GALNT13: variants seen among roughly 807,000 people sequenced by gnomAD.
GALNT13 encodes the protein UDP-GalNAc:polypeptide N-acetylgalactosaminyltransferase 13.
In GALNT13, 28 loss-of-function variants were observed where a neutral mutation model predicts 64.2. The ratio of observed to expected loss-of-function variants is 0.44; its 90% CI spans 0.32 to 0.60. The LOEUF (loss-of-function observed/expected upper bound fraction) is 0.60. GALNT13 is among the 20% of genes least tolerant of loss of function. GALNT13 has a pLI of 0.05. For synonymous variants in GALNT13, 214 were observed against 224.6 expected, an observed-to-expected ratio of 0.95 and a Z score of 0.42; for missense variants, 577 against 669.8, an observed-to-expected ratio of 0.86 and a Z score of 1.53.
chr2:154,282,687 C>A (rs1692027942), intron 8 of GALNT13, among the ~76,000 whole-genome samples: 1 of 151,840 alleles, frequency 6.6e-6, no homozygotes, highest in Non-Finnish European at 1.5e-5. Context: ...TTTTTATTTT[C>A]CATGCAAAAT....
At chr2:153,866,218 G>A in the GALNT13 span, among the ~76,000 whole-genome samples, 1 of 131,250 alleles carries the variant, frequency 7.6e-6, no homozygotes, top group Admixed American at 7.9e-5. Flanking sequence ...GCTAGATGAC[G>A]AGTTAGTGGG....
the GALNT13 span, among the ~76,000 whole-genome samples, chr2:153,561,064 T>A: frequency 6.6e-6 from 1 of 152,078 alleles, no homozygotes; most frequent in Admixed American, 6.6e-5. Flanking sequence ...TATTTTATTG[T>A]AAATAAAACC....
At chr2:154,428,434 C>A (rs772812092) in intron 11 of GALNT13, among the ~76,000 whole-genome samples, 1 of 152,078 alleles carries the variant, frequency 6.6e-6, no homozygotes, top group African/African-American at 2.4e-5. Context: ...GAAATCAAAA[C>A]CTATATGATA....
intron 8 of GALNT13, among the ~76,000 whole-genome samples, chr2:154,275,431 G>T (rs1691588550): frequency 1.3e-5 from 2 of 152,168 alleles, no homozygotes; most frequent in South Asian, 4.1e-4. Flanking sequence ...TCTAGCTATG[G>T]GTAAAAGGCA....
chr2:153,804,644 T>A, the GALNT13 span, among the ~76,000 whole-genome samples: 1 of 152,074 alleles, frequency 6.6e-6, no homozygotes, highest in African/African-American at 2.4e-5. Context: ...GTTTAACTAT[T>A]TTTTTTCTTT....
the GALNT13 span, among the ~76,000 whole-genome samples, chr2:153,617,852 A>G: frequency 6.6e-6 from 1 of 151,916 alleles, no homozygotes; most frequent in African/African-American, 2.4e-5. Context: ...ATAGTTGCTC[A>G]TAGTAGCTAG....
chr2:154,372,877 C>T (rs990954925), intron 9 of GALNT13, among the ~76,000 whole-genome samples: 4 of 151,920 alleles, frequency 2.6e-5, no homozygotes, highest in Non-Finnish European at 5.9e-5. Flanking sequence ...ATTGTATAAA[C>T]TCCATTTACT....
At chr2:153,996,607 T>G (rs918511185) in intron 3 of GALNT13, among the ~76,000 whole-genome samples, 8 of 152,198 alleles carry the variant, frequency 5.3e-5, no homozygotes, top group Non-Finnish European at 1.0e-4. Flanking sequence ...TTGCAAATAT[T>G]GTCTCTCATT....
the GALNT13 span, among the ~76,000 whole-genome samples, chr2:153,830,095 T>G: frequency 6.6e-6 from 1 of 152,172 alleles, no homozygotes; most frequent in African/African-American, 2.4e-5. Context: ...TGATTATTAT[T>G]TTTATGTATT....
At chr2:153,107,580 A>G in the GALNT13 span, among the ~76,000 whole-genome samples, 44 of 152,282 alleles carry the variant, frequency 2.9e-4, no homozygotes, top group African/African-American at 9.1e-4. Flanking sequence ...AACCAAAACA[A>G]TAAAGTAGAT....
chr2:153,796,507 C>T, the GALNT13 span, among the ~76,000 whole-genome samples: 1 of 151,982 alleles, frequency 6.6e-6, no homozygotes, highest in South Asian at 2.1e-4. Context: ...TTATCAATTG[C>T]CATGGTAAAT....
chr2:154,393,720 T>C (rs1298338721), intron 9 of GALNT13, among the ~76,000 whole-genome samples: 1 of 152,096 alleles, frequency 6.6e-6, no homozygotes, highest in Non-Finnish European at 1.5e-5. Context: ...TCTCTATAAT[T>C]CCCCATTAGC....
the GALNT13 span, among the ~76,000 whole-genome samples, chr2:153,130,623 C>T: frequency 1.3e-5 from 2 of 152,122 alleles, no homozygotes; most frequent in Admixed American, 6.5e-5. Context: ...AGCTACTCTC[C>T]CACCTCAGTC....
At chr2:154,064,959 G>A (rs554206577) in intron 3 of GALNT13, among the ~76,000 whole-genome samples, 2 of 152,208 alleles carry the variant, frequency 1.3e-5, no homozygotes, top group African/African-American at 4.8e-5. Flanking sequence ...TTTGGCTCTT[G>A]GATGGCATTT....
the GALNT13 span, among the ~76,000 whole-genome samples, chr2:153,356,789 C>CTTTTTTT: frequency 6.7e-5 from 7 of 104,904 alleles, 2 homozygotes; most frequent in African/African-American, 8.8e-5. Flanking sequence ...TCTTCTTCCT[C>CTTTTTTT]TTTTTTTTTT....
chr2:153,266,893 G>T, the GALNT13 span, among the ~76,000 whole-genome samples: 1 of 152,108 alleles, frequency 6.6e-6, no homozygotes, highest in Non-Finnish European at 1.5e-5. Context: ...TACCCCAAAA[G>T]TCCAAGTCCA....
At chr2:153,671,500 C>T in the GALNT13 span, among the ~76,000 whole-genome samples, 2 of 152,118 alleles carry the variant, frequency 1.3e-5, no homozygotes, top group Non-Finnish European at 2.9e-5. Flanking sequence ...CAAGCAAATG[C>T]TGAGAGATTT....
At chr2:154,392,004 G>T (rs1017552091) in intron 9 of GALNT13, among the ~76,000 whole-genome samples, 1 of 152,148 alleles carries the variant, frequency 6.6e-6, no homozygotes, top group Admixed American at 6.5e-5. Flanking sequence ...ACTCATGAAA[G>T]TTGCAGGGTA....
the GALNT13 span, among the ~76,000 whole-genome samples, chr2:153,671,557 A>C: frequency 6.6e-6 from 1 of 152,238 alleles, no homozygotes; most frequent in South Asian, 2.1e-4. Context: ...GGAAGCACTA[A>C]ACATGGAAAG....
Sources: allele counts gnomAD v4.1 joint callset (sites outside exome capture counted in the v4.1 genomes callset), GRCh38; gene constraint gnomAD v4.1.1; transcripts MANE v1.5; gene names NCBI Gene and HGNC (gene_info 2026-07-23, HGNC 2026-07-21).